Variants in MAP4K4 observed in about 807,000 individuals in gnomAD.
The protein encoded by MAP4K4 is HPK/GCK-like kinase HGK.
In MAP4K4, 38 loss-of-function variants were observed where a neutral mutation model predicts 189.6. The observed-to-expected ratio is 0.20, with a 90% CI of 0.15 to 0.26. The LOEUF (loss-of-function observed/expected upper bound fraction) is 0.26, where lower values mean the gene tolerates loss of function less well. Among genes scored for constraint, MAP4K4 ranks in the 10% least tolerant of loss-of-function variants. The pLI is 1.00. For missense variants in MAP4K4, 1,054 were observed against 1,726.9 expected (o/e 0.61, Z 6.91); for synonymous variants, 610 against 624.3 (o/e 0.98, Z 0.34).
At chr2:101,864,324 C>G (rs567556272) in intron 17 of MAP4K4, among the ~76,000 whole-genome samples, 1 of 152,234 alleles carries the variant, frequency 6.6e-6, no homozygotes. Context: ...TAAACAAATT[C>G]ATAATCTATT....
Position 101,840,007 on chromosome 2 carries a change from T to A in MAP4K4, c.949+13T>A. 6.4e-7 allele frequency: 1 copy of A among 1,574,524 alleles called. No individual in the cohort carries two copies. Among genetic ancestry groups the A allele is most frequent in the Non-Finnish European group, 8.6e-7 (1 of 1,166,208 alleles). On this transcript the variant is annotated intron_variant, in intron 10 of 32. Coordinates refer to ENST00000324219, the Ensembl canonical transcript of MAP4K4. ...AGAGGCGAGAAAGGTACTAAGCCTG[T>A]TTTTGTTTTCATCCTTTAAAATTTT...
In MAP4K4 at chr2:101,888,797, A is replaced by G. The variant is rs201787376; in HGVS notation, c.3933A>G (p.Ala1311=). The G allele has an allele frequency of 3.4e-4, 544 of 1,604,910 alleles. 1 individual carries two copies. Among genetic ancestry groups the G allele is most frequent in the Non-Finnish European group, 3.4e-4 (404 of 1,176,372 alleles). The change falls in exon 32 of 33, where the codon GCA becomes GCG. Residue 1311 remains alanine (A), a splice_region_variant and synonymous_variant. Transcript: ENST00000324219. Reference sequence around the variant, plus strand: ...TTGCAATTTTTCCCTCCCCAAAAGCATATATTCGATCCAATCAGACAATGG... The same window carrying G: ...TTGCAATTTTTCCCTCCCCAAAAGCGTATATTCGATCCAATCAGACAATGG...
chr2:101,806,415 A>G (rs2094936214), intron 3 of MAP4K4, among the ~76,000 whole-genome samples: 1 of 140,312 alleles, frequency 7.1e-6, no homozygotes, highest in Non-Finnish European at 1.5e-5. Context: ...TCGCTCTGTC[A>G]CCCAGGCTGG....
intron 2 of MAP4K4, among the ~76,000 whole-genome samples, chr2:101,773,630 A>T (rs1360425635): frequency 6.6e-6 from 1 of 152,174 alleles, no homozygotes; most frequent in African/African-American, 2.4e-5. Flanking sequence ...TAAAATGTAC[A>T]ATTAAATTAT....
Position 101,850,943 on chromosome 2 carries a change from C to T in MAP4K4, c.1234-5034C>T, listed in dbSNP as rs186476410. On this transcript the variant is annotated intron_variant, in intron 12 of 32. Transcript: ENST00000324219. ...TGGTATATCTGTGTAGTAACATGAC[C>T]GCAGAAGTTCTTGGAAATAGCAGTC... Among the ~76,000 whole-genome samples the T allele has an allele frequency of 4.5e-4, 67 of 149,510 alleles. 2 individuals are homozygous for T. The East Asian group carries it at 0.012, about 27-fold the overall frequency.
rs1455957577 is a variant in MAP4K4 at position 101,871,686 on chromosome 2, G to T, written c.2952+1G>T. The T allele has an allele frequency of 1.3e-6, 2 of 1,535,922 alleles. No individual in the cohort carries two copies. Among genetic ancestry groups the T allele is most frequent in the Admixed American group, 3.9e-5 (2 of 50,964 alleles). On this transcript the variant is annotated splice_donor_variant, in intron 24 of 32. Coordinates refer to ENST00000324219, the Ensembl canonical transcript of MAP4K4. LOFTEE classifies it high-confidence loss of function. ...CCAGGACAAGCTCACTGCTAATGAG[G>T]TATGTCTCGCACCACAGCTGGCTGC...
At chr2:101,755,923 CTTTTTCTTT>C (rs2072334013) in intron 2 of MAP4K4, among the ~76,000 whole-genome samples, 1 of 77,182 alleles carries the variant, frequency 1.3e-5, no homozygotes, top group African/African-American at 4.1e-5. Context: ...AGTATGAGTT[CTTTTTCTTT>C]TTTTTTTTTT....
intron 2 of MAP4K4, among the ~76,000 whole-genome samples, chr2:101,747,472 G>A (rs372013003): frequency 1.3e-4 from 20 of 152,272 alleles, no homozygotes; most frequent in African/African-American, 4.6e-4. Flanking sequence ...GTTTGGGAAG[G>A]GGAGAGTGAT....
intron 2 of MAP4K4, among the ~76,000 whole-genome samples, chr2:101,705,643 T>A (rs950153121): frequency 3.3e-5 from 5 of 152,248 alleles, no homozygotes; most frequent in African/African-American, 1.2e-4. Context: ...TGTTTTCTTT[T>A]TAAAAAAGTA....
Position 101,876,607 on chromosome 2 carries a change from C to G in MAP4K4, c.3242-396C>G, listed in dbSNP as rs551717281. Among the ~76,000 whole-genome samples the G allele has an allele frequency of 2.6e-5, 4 of 152,210 alleles. No individual in the cohort carries two copies. The South Asian group carries it at 8.3e-4, about 32-fold the overall frequency. On this transcript the variant is annotated intron_variant, in intron 26 of 32. Coordinates refer to ENST00000324219, the Ensembl canonical transcript of MAP4K4. ...GAAAGATGAGGAAGCACAAAGAGAT[C>G]ATGGTATCAGATGAAGGTTTGTTCA...
chr2:101,884,635 A>T (rs1162546211), intron 28 of MAP4K4, among the ~76,000 whole-genome samples: 4 of 152,190 alleles, frequency 2.6e-5, no homozygotes, highest in African/African-American at 9.7e-5. Flanking sequence ...CAAAATAGCT[A>T]TGGGAAGGAG....
chr2:101,816,561 C>G (rs558462452), intron 3 of MAP4K4, among the ~76,000 whole-genome samples: 6 of 152,148 alleles, frequency 3.9e-5, no homozygotes, highest in Non-Finnish European at 7.3e-5. Context: ...TATGAATAGA[C>G]TGAGGCAAGA....
chr2:101,704,297 C>T (rs1365701262), intron 2 of MAP4K4, among the ~76,000 whole-genome samples: 1 of 151,956 alleles, frequency 6.6e-6, no homozygotes, highest in Non-Finnish European at 1.5e-5. Flanking sequence ...GAAGCCAGCC[C>T]TGTTGAGCAA....
chr2:101,823,165 A>G (rs992475058), intron 3 of MAP4K4, among the ~76,000 whole-genome samples: 3 of 152,210 alleles, frequency 2.0e-5, no homozygotes, highest in African/African-American at 7.2e-5. Flanking sequence ...CACAAGGGCA[A>G]CTTATTTTTA....
At chr2:101,714,342 T>C (rs1559059759) in intron 2 of MAP4K4, among the ~76,000 whole-genome samples, 2 of 152,226 alleles carry the variant, frequency 1.3e-5, no homozygotes, top group Non-Finnish European at 2.9e-5. Flanking sequence ...CCTGTACTTG[T>C]GAAGAAACTT....
exon 24 of MAP4K4, chr2:101,871,594 C>G (rs1480282028): frequency 6.5e-7 from 1 of 1,536,460 alleles, no homozygotes; most frequent in South Asian, 1.2e-5. Flanking sequence ...CATTCCTCCT[C>G]CACTTCCTCC....
intron 12 of MAP4K4, among the ~76,000 whole-genome samples, chr2:101,844,976 A>G (rs1467639677): frequency 6.6e-6 from 1 of 152,134 alleles, no homozygotes; most frequent in Non-Finnish European, 1.5e-5. Context: ...AGAGGCGGAA[A>G]CACGGGAAGA....
At chr2:101,717,700 A>G (rs1193525363) in intron 2 of MAP4K4, among the ~76,000 whole-genome samples, 1 of 152,182 alleles carries the variant, frequency 6.6e-6, no homozygotes, top group Non-Finnish European at 1.5e-5. Context: ...CTCACAAGCA[A>G]TGATTCTGGT....
chr2:101,786,262 C>T (rs2091192110), intron 2 of MAP4K4, among the ~76,000 whole-genome samples: 1 of 152,032 alleles, frequency 6.6e-6, no homozygotes, highest in South Asian at 2.1e-4. Context: ...CATTTAAAAC[C>T]ATGTGGGATG....
Sources: allele counts gnomAD v4.1 joint callset (sites outside exome capture counted in the v4.1 genomes callset), GRCh38; gene constraint gnomAD v4.1.1; transcripts MANE v1.5; gene names NCBI Gene and HGNC (gene_info 2026-07-23, HGNC 2026-07-21).